The following TCAIM variants were observed in gnomAD, a reference collection of about 807,000 sequenced individuals.
TCAIM encodes T cell activation inhibitor, mitochondrial.
TCAIM carries 36 observed loss-of-function variants against 58.6 expected under a neutral mutation model. The observed-to-expected ratio is 0.61, with a 90% CI of 0.47 to 0.81. The LOEUF is 0.81. Among genes scored for constraint, TCAIM ranks in the 30% least tolerant of loss-of-function variants. The pLI, the probability that TCAIM is intolerant of heterozygous loss-of-function variation, is 0.00. For missense variants in TCAIM, 466 were observed against 579.6 expected (o/e 0.80, Z 2.01); for synonymous variants, 172 against 193.6 (o/e 0.89, Z 0.93).
At chr3:44,380,077 A>G (rs770276632) in intron 5 of TCAIM, among the ~76,000 whole-genome samples, 1 of 152,192 alleles carries the variant, frequency 6.6e-6, no homozygotes, top group Non-Finnish European at 1.5e-5. Flanking sequence ...ATTAGATCAT[A>G]GACTTAAATG....
rs1192121772 is a variant in TCAIM, at chr3:44,404,299, TTCTC to T, written c.1250+2974_1250+2977del. On this transcript the variant is annotated intron_variant, in intron 10 of 10. Transcript: ENST00000342649. ...AATTTGCTGTTTCCTTATTAATGTA[TTCTC>T]TCTCTCTCCTTCCCAACAGAAGGTA... Among the ~76,000 whole-genome samples the T allele has an allele frequency of 1.1e-4, 17 of 151,982 alleles. 1 individual carries two copies. Among genetic ancestry groups the T allele is most frequent in the Non-Finnish European group, 2.4e-4 (16 of 67,978 alleles).
intron 1 of TCAIM, among the ~76,000 whole-genome samples, chr3:44,348,445 A>C (rs879797397): frequency 1.4e-4 from 21 of 152,242 alleles, no homozygotes; most frequent in Admixed American, 8.5e-4. Flanking sequence ...GGCTGCAGGC[A>C]TTCCTTGGCC....
At chr3:44,360,882 A>G (rs73090430) in intron 3 of TCAIM, among the ~76,000 whole-genome samples, 1,748 of 152,356 alleles carry the variant, frequency 0.011, 18 homozygotes, top group Non-Finnish European at 0.016. Flanking sequence ...TGCTGGGATT[A>G]TAGACATGAG....
At chr3:44,400,169 G>T (rs560477480) in intron 8 of TCAIM, among the ~76,000 whole-genome samples, 186 bp from the exon 9 acceptor site, 2 of 152,184 alleles carry the variant, frequency 1.3e-5, no homozygotes, top group African/African-American at 4.8e-5. Flanking sequence ...AAGATTTACA[G>T]TGGCTTGTTT....
intron 7 of TCAIM, 71 bp downstream of exon 7, chr3:44,396,568 A>G (rs1701938765): frequency 6.7e-7 from 1 of 1,497,270 alleles, no homozygotes; most frequent in Non-Finnish European, 9.0e-7. Context: ...TAATGGAAAA[A>G]CCAAATAACT....
At chr3:44,362,479 A>G in intron 4 of TCAIM, 1 of 400,514 alleles carries the variant, frequency 2.5e-6, no homozygotes, top group Non-Finnish European at 4.4e-6. Flanking sequence ...GTTGAAGACA[A>G]CTCCTCACCC....
chr3:44,402,763 G>C (rs963243063), intron 10 of TCAIM, among the ~76,000 whole-genome samples: 2 of 152,114 alleles, frequency 1.3e-5, no homozygotes, highest in Non-Finnish European at 2.9e-5. Flanking sequence ...TAGCATAGGG[G>C]ACAAGGGAAG....
At chr3:44,377,543 A>C (rs1350836248) in intron 5 of TCAIM, among the ~76,000 whole-genome samples, 1 of 152,198 alleles carries the variant, frequency 6.6e-6, no homozygotes, top group East Asian at 1.9e-4. Context: ...CATATACAAG[A>C]CACTGTACCT....
chr3:44,387,994 G>A (rs908523595), intron 5 of TCAIM, among the ~76,000 whole-genome samples: 1 of 151,828 alleles, frequency 6.6e-6, no homozygotes, highest in African/African-American at 2.4e-5. Context: ...TGTTAACTTT[G>A]TACCACATTT....
At chr3:44,366,465 T>G (rs1363802417) in intron 4 of TCAIM, among the ~76,000 whole-genome samples, 299 of 46,192 alleles carry the variant, frequency 6.5e-3, no homozygotes, top group Non-Finnish European at 0.012. Flanking sequence ...TTTTTGTTGT[T>G]TTTTTTTTTT....
intron 3 of TCAIM, chr3:44,359,236 C>T (rs1291299079): frequency 3.4e-6 from 1 of 292,096 alleles, no homozygotes; most frequent in African/African-American, 2.3e-5. Flanking sequence ...AAACAAACAA[C>T]AAAAACTTCT....
intron 3 of TCAIM, 196 bp downstream of exon 3, chr3:44,358,072 CA>C: frequency 1.5e-6 from 2 of 1,350,710 alleles, no homozygotes; most frequent in South Asian, 3.2e-5. Context: ...TTGTTTTGTG[CA>C]GGCAATAAAG....
chr3:44,344,096 A>C (rs1370570477), intron 1 of TCAIM, among the ~76,000 whole-genome samples: 1 of 143,180 alleles, frequency 7.0e-6, no homozygotes, highest in East Asian at 2.0e-4. Context: ...ATCTCAGCTC[A>C]CTGCAAACTC....
rs1411367771 is a variant in TCAIM, at chr3:44,367,512, T to C, written c.376T>C (p.Tyr126His). ...HTRDLLSTVL[Y>H]ILNSCSLSVE... is the part of the protein sequence containing the mutation. Reference sequence around the variant, plus strand: ...CAGAGATCTGCTAAGCACAGTGTTATATATTCTCAACTCCTGCAGTTTATC... The same window carrying C: ...CAGAGATCTGCTAAGCACAGTGTTACATATTCTCAACTCCTGCAGTTTATC... The change falls in exon 5 of 11, where the codon TAT becomes CAT. Residue 126 changes from tyrosine to histidine, a missense_variant. Coordinates refer to ENST00000342649, the MANE Select transcript of TCAIM (RefSeq NM_173826.4). 13 of 1,614,078 alleles carry C rather than the reference T, an allele frequency of 8.1e-6. No individual in the cohort carries two copies. The highest frequency in any genetic ancestry group is 1.1e-5 in the Non-Finnish European group (13 of 1,180,024).
Position 44,360,760 on chromosome 3 carries a change from C to T in TCAIM, c.166-605C>T, listed in dbSNP as rs574681781. On this transcript the variant is annotated intron_variant, in intron 3 of 10. Coordinates refer to ENST00000342649, the MANE Select transcript of TCAIM (RefSeq NM_173826.4). ...AGCTGGGACCACAAGCATGTACCAC[C>T]GTGCCCAACTAATTTTTGTATTTTT... Among the ~76,000 whole-genome samples the T allele has an allele frequency of 1.2e-4, 19 of 152,022 alleles. No homozygotes were observed. The South Asian group carries it at 3.7e-3, about 30-fold the overall frequency.
chr3:44,399,566 C>T lies in TCAIM; in HGVS notation c.886-789C>T, dbSNP rs528463377. Among the ~76,000 whole-genome samples, 7 of 152,294 alleles carry T rather than the reference C, an allele frequency of 4.6e-5. 1 individual carries two copies. Among genetic ancestry groups the T allele is most frequent in the African/African-American group, 1.7e-4 (7 of 41,562 alleles). On this transcript the variant is annotated intron_variant, in intron 8 of 10. Transcript: ENST00000342649. Reference sequence around the variant, plus strand: ...TTCAGCCCTTCTCTTTCCACTCAATCGCAGCAGGTCACATGCCAGCCATAC... The same window carrying T: ...TTCAGCCCTTCTCTTTCCACTCAATTGCAGCAGGTCACATGCCAGCCATAC...
At chr3:44,393,094 T>G in intron 6 of TCAIM, 117 bp downstream of exon 6, 1 of 808,544 alleles carries the variant, frequency 1.2e-6, no homozygotes, top group South Asian at 1.8e-5. Context: ...TGAGTACTCT[T>G]CAATTATCTT....
chr3:44,343,123 C>T (rs535035979), intron 1 of TCAIM, among the ~76,000 whole-genome samples: 40 of 151,092 alleles, frequency 2.6e-4, no homozygotes, highest in Non-Finnish European at 4.4e-4. Context: ...GGTGACAGAG[C>T]GAGACTCTGT....
chr3:44,373,067 C>G (rs1701505929), intron 5 of TCAIM, among the ~76,000 whole-genome samples: 2 of 151,864 alleles, frequency 1.3e-5, no homozygotes, highest in Admixed American at 1.3e-4. Context: ...AAATTGTGTC[C>G]TAGCATTTTT....
Sources: allele counts gnomAD v4.1 joint callset (sites outside exome capture counted in the v4.1 genomes callset), GRCh38; gene constraint gnomAD v4.1.1; transcripts MANE v1.5; gene names NCBI Gene and HGNC (gene_info 2026-07-23, HGNC 2026-07-21).